Variants in SDHAF4 observed in about 807,000 individuals in gnomAD.
The protein encoded by SDHAF4 is succinate dehydrogenase assembly factor 4, mitochondrial.
A neutral mutation model predicts 14.3 loss-of-function variants in SDHAF4; 14 were observed. That is an observed-to-expected ratio of 0.98 (90% CI 0.65 to 1.53). The LOEUF is 1.53. Ranked by LOEUF, SDHAF4 falls within the 40% of genes most tolerant of loss-of-function variation. The pLI is 0.00. For synonymous variants in SDHAF4, 63 were observed against 47.3 expected (o/e 1.33, Z -1.36); for missense variants, 141 against 129.3 (o/e 1.09, Z -0.44).
intron 1 of SDHAF4, among the ~76,000 whole-genome samples, chr6:70,568,969 T>C (rs892450598): frequency 8.7e-5 from 12 of 138,428 alleles, no homozygotes; most frequent in Non-Finnish European, 4.7e-5. Flanking sequence ...TTTCTTTTTT[T>C]TTTTTTTTTT....
chr6:70,573,357 G>A (rs189653197), intron 1 of SDHAF4, among the ~76,000 whole-genome samples: 2 of 139,444 alleles, frequency 1.4e-5, no homozygotes, highest in African/African-American at 5.7e-5. Context: ...TCTGCCTCCT[G>A]GGTTCAAGTG....
At chr6:70,597,190 G>A in the SDHAF4 span, among the ~76,000 whole-genome samples, 2 of 152,024 alleles carry the variant, frequency 1.3e-5, no homozygotes, top group African/African-American at 4.8e-5. Flanking sequence ...CTGAAGTGCA[G>A]TAGTGTGATC....
At chr6:70,567,749 A>ATG (rs1802120840) in intron 1 of SDHAF4, 1 of 152,146 alleles carries the variant, frequency 6.6e-6, no homozygotes, top group Admixed American at 6.5e-5. Context: ...GCAGTGGCGC[A>ATG]ATCTCGGCTC....
At chr6:70,587,160 A>G (rs1050792419) in intron 2 of SDHAF4, among the ~76,000 whole-genome samples, 1 of 135,298 alleles carries the variant, frequency 7.4e-6, no homozygotes, top group African/African-American at 2.9e-5. Flanking sequence ...AATAAGAGTG[A>G]AACTCCATCA....
chr6:70,574,457 C>G (rs149512879), intron 1 of SDHAF4, among the ~76,000 whole-genome samples: 2 of 152,242 alleles, frequency 1.3e-5, no homozygotes, highest in Non-Finnish European at 2.9e-5. Context: ...CATCTTCACT[C>G]AGAACCAAGG....
chr6:70,573,561 G>A (rs1341717349), intron 1 of SDHAF4, among the ~76,000 whole-genome samples: 3 of 150,848 alleles, frequency 2.0e-5, no homozygotes, highest in African/African-American at 2.4e-5. Context: ...ACAATGCCCG[G>A]CCAGCTATTT....
At chr6:70,590,475 T>C (rs73746055), downstream of SDHAF4, among the ~76,000 whole-genome samples, 35 of 152,364 alleles carry the variant, frequency 2.3e-4, no homozygotes, top group African/African-American at 8.2e-4. Flanking sequence ...TGGCACTGTC[T>C]GTGTGTGCTT....
chr6:70,575,367 G>A (rs1802240533), intron 1 of SDHAF4, among the ~76,000 whole-genome samples: 1 of 150,260 alleles, frequency 6.7e-6, no homozygotes, highest in Non-Finnish European at 1.5e-5. Context: ...GACAGAGTGA[G>A]ACTCTGTCTG....
At chr6:70,577,938 A>G (rs1472883828) in intron 1 of SDHAF4, among the ~76,000 whole-genome samples, 1 of 152,194 alleles carries the variant, frequency 6.6e-6, no homozygotes, top group Admixed American at 6.5e-5. Context: ...TCCATGGTAT[A>G]TATGTACCAC....
the SDHAF4 span, among the ~76,000 whole-genome samples, chr6:70,594,923 A>AT: frequency 1.0e-3 from 159 of 152,084 alleles, no homozygotes; most frequent in Middle Eastern, 3.4e-3. Context: ...AGAAAAAAAA[A>AT]AAAAATCATT....
chr6:70,595,083 A>G, the SDHAF4 span, among the ~76,000 whole-genome samples: 98,372 of 151,888 alleles, frequency 0.65, 33,743 homozygotes, highest in African/African-American at 0.88. Flanking sequence ...ACCCTGTGGC[A>G]TTTTGATAAG....
intron 1 of SDHAF4, among the ~76,000 whole-genome samples, chr6:70,571,439 G>A (rs112384533): frequency 0.22 from 33,386 of 151,804 alleles, 4,302 homozygotes; most frequent in African/African-American, 0.35. Context: ...CTCAGCCTCC[G>A]GAGTAGCTGG....
At chr6:70,567,466 T>C (rs1458414909) in intron 1 of SDHAF4, 2 of 156,828 alleles carry the variant, frequency 1.3e-5, no homozygotes, top group Middle Eastern at 3.0e-3. Flanking sequence ...TGTGGCAGTT[T>C]ACAGTTTATC....
chr6:70,583,712 CA>C (rs1765167216), intron 2 of SDHAF4, among the ~76,000 whole-genome samples: 2 of 152,074 alleles, frequency 1.3e-5, no homozygotes, highest in Non-Finnish European at 2.9e-5. Flanking sequence ...AAAAATCACA[CA>C]AAAAAACTCA....
chr6:70,593,921 C>G (rs1562060880), downstream of SDHAF4, among the ~76,000 whole-genome samples: 1 of 152,122 alleles, frequency 6.6e-6, no homozygotes, highest in Non-Finnish European at 1.5e-5. Flanking sequence ...TCTTGAACTC[C>G]TGACCTCAAG....
chr6:70,577,437 T>C (rs1299447269), intron 1 of SDHAF4, among the ~76,000 whole-genome samples: 1 of 152,232 alleles, frequency 6.6e-6, no homozygotes, highest in African/African-American at 2.4e-5. Context: ...GGTTTTGCCC[T>C]TGCTGAATAT....
rs1448555230 is a variant in SDHAF4 at position 70,568,970 on chromosome 6, T to TC, written c.64+1966_64+1967insC. ...ATACCTCTTTCTTTTTTCTTTTTTTTTTTTTTTTTTTTTGAGGCGGAGTTT... is the reference window on the plus strand; with the variant it reads ...ATACCTCTTTCTTTTTTCTTTTTTTTCTTTTTTTTTTTTTGAGGCGGAGTTT... On this transcript the variant is annotated intron_variant, in intron 1 of 2. Coordinates refer to ENST00000370474, the MANE Select transcript of SDHAF4 (RefSeq NM_145267.3). Among the ~76,000 whole-genome samples, 4 of 139,612 alleles carry TC rather than the reference T, an allele frequency of 2.9e-5. No individual in the cohort carries two copies. In the East Asian group the frequency reaches 8.1e-4, roughly 28 times the overall value. The allele number at this position is 139,612 out of a possible 152,430, so 91.6% of individuals were successfully genotyped here.
intron 2 of SDHAF4, among the ~76,000 whole-genome samples, chr6:70,580,699 T>TA (rs1204687900): frequency 2.0e-5 from 3 of 152,136 alleles, no homozygotes; most frequent in Non-Finnish European, 1.5e-5. Flanking sequence ...TTGAAAACAT[T>TA]ATGTTTAGTG....
At chr6:70,588,106 A>G (rs1022345686) in intron 2 of SDHAF4, among the ~76,000 whole-genome samples, 2 of 152,264 alleles carry the variant, frequency 1.3e-5, no homozygotes, top group Non-Finnish European at 2.9e-5. Flanking sequence ...TTCAAGTCTT[A>G]TGAATTTGTA....
Sources: allele counts gnomAD v4.1 joint callset (sites outside exome capture counted in the v4.1 genomes callset), GRCh38; gene constraint gnomAD v4.1.1; transcripts MANE v1.5; gene names NCBI Gene and HGNC (gene_info 2026-07-23, HGNC 2026-07-21).